Variants in XKR9 observed in about 807,000 individuals in gnomAD.
The protein encoded by XKR9 is XK-related protein 9.
In XKR9, 32 loss-of-function variants were observed where a neutral mutation model predicts 32.0. The observed-to-expected ratio is 1.00, with a 90% confidence interval of 0.76 to 1.34. XKR9 has a LOEUF of 1.34. XKR9 is among the 40% of genes most tolerant of loss of function. The pLI, the probability that XKR9 is intolerant of heterozygous loss-of-function variation, is 0.00. For synonymous variants in XKR9, 168 were observed against 143.4 expected (o/e 1.17, Z -1.22); for missense variants, 546 against 429.7 (o/e 1.27, Z -2.39).
the XKR9 span, among the ~76,000 whole-genome samples, chr8:71,014,506 TTCTCC>T: frequency 6.6e-6 from 1 of 152,216 alleles, no homozygotes; most frequent in Admixed American, 6.5e-5. Flanking sequence ...TTCATATGGC[TTCTCC>T]TCTCTGTGTC....
At chr8:70,802,693 C>T in the XKR9 span, among the ~76,000 whole-genome samples, 17 of 152,210 alleles carry the variant, frequency 1.1e-4, no homozygotes, top group African/African-American at 4.1e-4. Flanking sequence ...ATTCCCTTAG[C>T]ATTTGCTTGT....
the XKR9 span, among the ~76,000 whole-genome samples, chr8:71,049,795 G>A: frequency 1.3e-5 from 2 of 152,256 alleles, no homozygotes; most frequent in South Asian, 4.1e-4. Flanking sequence ...CATAAAGAGA[G>A]AAAAATGGGA....
chr8:70,932,081 C>T, the XKR9 span, among the ~76,000 whole-genome samples: 1 of 152,018 alleles, frequency 6.6e-6, no homozygotes, highest in Non-Finnish European at 1.5e-5. Context: ...TGAGGACTTC[C>T]TATGTGCAAA....
In XKR9 at chr8:70,689,513, A is replaced by G. The variant is rs569770123; in HGVS notation, c.272+8183A>G. Among the ~76,000 whole-genome samples, 306 of 148,972 alleles carry G rather than the reference A, an allele frequency of 2.1e-3. 2 individuals are homozygous for G. The highest frequency in any genetic ancestry group is 7.3e-3 in the African/African-American group (298 of 41,008). ...ATATATATGTATTATATATATATGT[A>G]TATTAGCCCCGGAGCTTCCTCTTCT... On this transcript the variant is annotated intron_variant, in intron 3 of 4. Transcript: ENST00000408926.
At chr8:70,901,382 T>C in the XKR9 span, among the ~76,000 whole-genome samples, 5 of 152,208 alleles carry the variant, frequency 3.3e-5, no homozygotes, top group East Asian at 7.7e-4. Flanking sequence ...CTCATTGTGG[T>C]TTTGATTTGC....
chr8:70,702,101 G>A (rs1004804632), intron 3 of XKR9, among the ~76,000 whole-genome samples: 3 of 152,052 alleles, frequency 2.0e-5, no homozygotes, highest in Admixed American at 6.6e-5. Flanking sequence ...TTAAATAGTT[G>A]AACTCTCCTT....
intron 2 of XKR9, among the ~76,000 whole-genome samples, chr8:70,677,126 TA>T (rs5892235): frequency 0.32 from 49,116 of 151,186 alleles, 8,465 homozygotes; most frequent in East Asian, 0.66. Context: ...AGTTAAAGAT[TA>T]AAAAAAAATA....
At chr8:70,709,207 A>G (rs541053451) in intron 4 of XKR9, among the ~76,000 whole-genome samples, 6 of 152,334 alleles carry the variant, frequency 3.9e-5, no homozygotes, top group Admixed American at 3.9e-4. Flanking sequence ...GATCATCTCA[A>G]TAGACACAGA....
chr8:70,920,553 C>T, the XKR9 span, among the ~76,000 whole-genome samples: 1 of 152,028 alleles, frequency 6.6e-6, no homozygotes. Context: ...CACATGTCTA[C>T]ATATGTGGCA....
At chr8:70,845,471 G>A in the XKR9 span, among the ~76,000 whole-genome samples, 1 of 152,096 alleles carries the variant, frequency 6.6e-6, no homozygotes, top group African/African-American at 2.4e-5. Context: ...TGTGGAAAAA[G>A]AATTCAAGTA....
At chr8:70,823,470 C>T in the XKR9 span, among the ~76,000 whole-genome samples, 1 of 152,186 alleles carries the variant, frequency 6.6e-6, no homozygotes. Flanking sequence ...GAAGAAGGTC[C>T]AATGCAAACA....
chr8:70,873,524 C>T, the XKR9 span, among the ~76,000 whole-genome samples: 1 of 152,232 alleles, frequency 6.6e-6, no homozygotes, highest in South Asian at 2.1e-4. Context: ...TTCAGGGATT[C>T]AAGGCTTCAA....
the XKR9 span, among the ~76,000 whole-genome samples, chr8:70,973,823 G>A: frequency 1.3e-5 from 2 of 152,150 alleles, no homozygotes; most frequent in Admixed American, 1.3e-4. Flanking sequence ...TCGTTGGAGA[G>A]AGTACTTGAT....
the XKR9 span, among the ~76,000 whole-genome samples, chr8:70,941,709 T>C: frequency 2.0e-5 from 3 of 152,162 alleles, no homozygotes; most frequent in Non-Finnish European, 2.9e-5. Context: ...TCTTACATTT[T>C]CAAATTATGG....
the XKR9 span, among the ~76,000 whole-genome samples, chr8:70,840,078 A>C: frequency 6.6e-6 from 1 of 152,128 alleles, no homozygotes; most frequent in African/African-American, 2.4e-5. Context: ...GTGGTCCCTG[A>C]GTTTGGTATT....
downstream of XKR9, among the ~76,000 whole-genome samples, chr8:70,738,802 A>C (rs1806910583): frequency 6.6e-6 from 1 of 151,972 alleles, no homozygotes; most frequent in Non-Finnish European, 1.5e-5. Context: ...CTTAATCCTG[A>C]GTTCTAGTTT....
chr8:70,980,053 G>A, the XKR9 span, among the ~76,000 whole-genome samples: 1 of 152,216 alleles, frequency 6.6e-6, no homozygotes, highest in South Asian at 2.1e-4. Flanking sequence ...CCATGTGTGT[G>A]GGACCCACTG....
At chr8:70,949,758 AG>A in the XKR9 span, among the ~76,000 whole-genome samples, 1 of 152,094 alleles carries the variant, frequency 6.6e-6, no homozygotes, top group African/African-American at 2.4e-5. Context: ...CTCTCAGGTA[AG>A]GGGTCGGTTT....
chr8:70,938,811 A>G, the XKR9 span, among the ~76,000 whole-genome samples: 2 of 152,016 alleles, frequency 1.3e-5, no homozygotes. Context: ...TGCTTCATAC[A>G]GCAAACAAGA....
Sources: gnomAD v4.1 joint callset for allele counts (sites outside exome capture counted in the v4.1 genomes callset) on GRCh38, gnomAD v4.1.1 for gene constraint, MANE v1.5 for transcripts, NCBI Gene and HGNC (gene_info 2026-07-23, HGNC 2026-07-21) for gene names.